NEO1: variants seen among roughly 807,000 people sequenced by gnomAD.
NEO1 encodes neogenin.
A neutral mutation model predicts 159.7 loss-of-function variants in NEO1; 63 were observed. The ratio of observed to expected loss-of-function variants is 0.39; its 90% CI spans 0.32 to 0.49. The LOEUF (loss-of-function observed/expected upper bound fraction) is 0.49. Among genes scored for constraint, NEO1 ranks in the 20% least tolerant of loss-of-function variants. The probability of loss-of-function intolerance (pLI) is 0.85; values close to 1 mark genes in which losing one functional copy is unlikely to be tolerated. For synonymous variants in NEO1, 633 were observed against 662.0 expected (o/e 0.96, Z 0.67); for missense variants, 1,615 against 1,831.0 (o/e 0.88, Z 2.15).
chr15:73,207,865 G>A (rs2037324696), intron 7 of NEO1, among the ~76,000 whole-genome samples: 2 of 152,030 alleles, frequency 1.3e-5, no homozygotes, highest in Non-Finnish European at 1.5e-5. Flanking sequence ...AGGATCTTGA[G>A]CATATTTGTT....
chr15:73,130,263 T>A (rs1197368899), intron 4 of NEO1, among the ~76,000 whole-genome samples: 2 of 151,764 alleles, frequency 1.3e-5, no homozygotes, highest in East Asian at 3.9e-4. Flanking sequence ...TGTGCGTTAC[T>A]GTGCCCAGCC....
At chr15:73,135,229 G>C (rs893304349) in intron 4 of NEO1, among the ~76,000 whole-genome samples, 5 of 151,928 alleles carry the variant, frequency 3.3e-5, no homozygotes, top group African/African-American at 1.2e-4. Context: ...CTTTAAATCG[G>C]CTTAAATAAC....
chr15:73,100,507 G>T (rs2070342669), intron 1 of NEO1, among the ~76,000 whole-genome samples: 1 of 151,838 alleles, frequency 6.6e-6, no homozygotes, highest in African/African-American at 2.4e-5. Context: ...GCTGATTTTT[G>T]TATTTTTTGT....
chr15:73,290,167 AAAAAT>A (rs1405944624), intron 25 of NEO1, among the ~76,000 whole-genome samples: 1 of 151,618 alleles, frequency 6.6e-6, no homozygotes, highest in Non-Finnish European at 1.5e-5. Context: ...AATAAAATTT[AAAAAT>A]AAAATTAGTA....
chr15:73,298,626 CAGCACACCTGGAGGG>C lies in NEO1; in HGVS notation c.4165+29_4165+43del, dbSNP rs1382424373. ...GTCCCAGCAAGGTGAGTGAGGATGG[CAGCACACCTGGAGGG>C]AGCACACCTGGAGTGACCCTTTGGC... On this transcript the variant is annotated intron_variant, in intron 27 of 28. Coordinates refer to ENST00000261908, the MANE Select transcript of NEO1 (RefSeq NM_002499.4). 5.6e-6 allele frequency: 9 copies of C among 1,613,710 alleles called. No individual in the cohort carries two copies. The highest frequency in any genetic ancestry group is 2.7e-5 in the African/African-American group (2 of 74,942).
At chr15:73,166,319 T>TA (rs1213325190) in intron 5 of NEO1, among the ~76,000 whole-genome samples, 3 of 152,128 alleles carry the variant, frequency 2.0e-5, no homozygotes, top group Non-Finnish European at 4.4e-5. Flanking sequence ...AAACTAGAAT[T>TA]ACCATTTGAA....
At chr15:73,193,310 T>C (rs1380145048) in intron 7 of NEO1, among the ~76,000 whole-genome samples, 2 of 152,028 alleles carry the variant, frequency 1.3e-5, no homozygotes, top group Admixed American at 6.6e-5. Context: ...CTAGCTAGAA[T>C]AGACCTTAGA....
At chr15:73,161,793 GC>G in intron 5 of NEO1, 2 of 298,224 alleles carry the variant, frequency 6.7e-6, no homozygotes, top group South Asian at 4.0e-5. Context: ...TTTCTCCACT[GC>G]CAGAGATCTT....
chr15:73,274,794 TTC>T, intron 21 of NEO1, 70 bp downstream of exon 21: 7 of 1,457,544 alleles, frequency 4.8e-6, no homozygotes, highest in Admixed American at 4.2e-5. Flanking sequence ...TGGTTTTTGT[TTC>T]TTTTTTTTTT....
intron 11 of NEO1, among the ~76,000 whole-genome samples, chr15:73,250,020 T>C (rs1555459819): frequency 6.6e-6 from 1 of 152,208 alleles, no homozygotes; most frequent in Non-Finnish European, 1.5e-5. Flanking sequence ...GTAAATACTA[T>C]TGCTTGTTCA....
intron 7 of NEO1, among the ~76,000 whole-genome samples, chr15:73,220,176 C>G (rs1246798083): frequency 6.6e-6 from 1 of 152,072 alleles, no homozygotes; most frequent in African/African-American, 2.4e-5. Flanking sequence ...TTCTCCTTCA[C>G]TTATGAAGTT....
intron 7 of NEO1, among the ~76,000 whole-genome samples, chr15:73,225,780 G>A (rs952026486): frequency 6.6e-5 from 10 of 152,068 alleles, no homozygotes; most frequent in African/African-American, 1.9e-4. Context: ...CACCTGATTC[G>A]CACCCTTTCC....
At chr15:73,118,772 C>T (rs879494707) in intron 2 of NEO1, among the ~76,000 whole-genome samples, 32 of 152,168 alleles carry the variant, frequency 2.1e-4, no homozygotes, top group Admixed American at 1.1e-3. Flanking sequence ...GTAAATAGTG[C>T]CCAAGCTAAG....
intron 1 of NEO1, among the ~76,000 whole-genome samples, chr15:73,064,307 C>A (rs931312651): frequency 6.6e-6 from 1 of 152,104 alleles, no homozygotes; most frequent in Admixed American, 6.5e-5. Flanking sequence ...AAGTTCATAT[C>A]TCATGTTTTG....
At position 73,163,993 on chromosome 15, in the gene NEO1, G is replaced by A. The variant is rs143491862; in HGVS notation, c.1016-12410G>A. On this transcript the variant is annotated intron_variant, in intron 5 of 28. Transcript: ENST00000261908. ...GGTGGATTTCTCCAACCCTTTTCCC[G>A]TATTTGTATTTTGTTTCTTTTTCTT... Among the ~76,000 whole-genome samples, 1,479 of 149,248 alleles carry A rather than the reference G, an allele frequency of 9.9e-3. 30 individuals carry two copies. Among genetic ancestry groups the A allele is most frequent in the African/African-American group, 0.035 (1,407 of 40,758 alleles).
intron 5 of NEO1, among the ~76,000 whole-genome samples, chr15:73,154,090 C>T (rs1412393623): frequency 6.6e-6 from 1 of 151,948 alleles, no homozygotes. Flanking sequence ...AGTATTTTCA[C>T]ATATATTAGG....
chr15:73,225,953 T>C (rs1282478620), intron 7 of NEO1, among the ~76,000 whole-genome samples: 1 of 152,144 alleles, frequency 6.6e-6, no homozygotes, highest in Non-Finnish European at 1.5e-5. Context: ...CCTAGTGAGC[T>C]CCCGGGGCCT....
At chr15:73,186,363 T>C (rs1480416942) in intron 7 of NEO1, among the ~76,000 whole-genome samples, 2 of 151,910 alleles carry the variant, frequency 1.3e-5, no homozygotes, top group Non-Finnish European at 2.9e-5. Flanking sequence ...CAACCAAAAC[T>C]ATACCCAGCA....
intron 22 of NEO1, among the ~76,000 whole-genome samples, chr15:73,280,686 G>T (rs2041653770): frequency 6.6e-6 from 1 of 152,096 alleles, no homozygotes; most frequent in Admixed American, 6.6e-5. Context: ...TTTATTGAAG[G>T]TCAGTATGTA....
Sources: gnomAD v4.1 joint callset for allele counts (sites outside exome capture counted in the v4.1 genomes callset) on GRCh38, gnomAD v4.1.1 for gene constraint, MANE v1.5 for transcripts, NCBI Gene and HGNC (gene_info 2026-07-23, HGNC 2026-07-21) for gene names.